Variants in XKR4 observed in about 807,000 individuals in gnomAD.
The protein encoded by XKR4 is XK related 4.
A neutral mutation model predicts 53.9 loss-of-function variants in XKR4; 12 were observed. The observed-to-expected ratio is 0.22, with a 90% CI of 0.14 to 0.36. The LOEUF is 0.36. Ranked by LOEUF, XKR4 falls within the 10% of genes least tolerant of loss-of-function variation. The probability of loss-of-function intolerance (pLI) is 1.00; values close to 1 mark genes in which losing one functional copy is unlikely to be tolerated. For missense variants in XKR4, 799 were observed against 859.5 expected (o/e 0.93, Z 0.88); for synonymous variants, 354 against 362.4 (o/e 0.98, Z 0.26).
intron 1 of XKR4, among the ~76,000 whole-genome samples, chr8:55,118,310 T>C (rs1054420254): frequency 6.6e-6 from 1 of 152,258 alleles, no homozygotes; most frequent in African/African-American, 2.4e-5. Context: ...CATCATTAGC[T>C]TGTATTTATA....
intron 1 of XKR4, among the ~76,000 whole-genome samples, chr8:55,132,456 A>G (rs1310818086): frequency 6.6e-6 from 1 of 151,778 alleles, no homozygotes; most frequent in Non-Finnish European, 1.5e-5. Flanking sequence ...GAGATTAACA[A>G]TAATAACTAA....
intron 1 of XKR4, among the ~76,000 whole-genome samples, chr8:55,226,771 C>G (rs1446004651): frequency 6.6e-6 from 1 of 152,164 alleles, no homozygotes; most frequent in African/African-American, 2.4e-5. Flanking sequence ...ACCCTCCCAC[C>G]TTCCTTTAAT....
At chr8:55,158,802 T>C (rs1197445633) in intron 1 of XKR4, among the ~76,000 whole-genome samples, 2 of 152,252 alleles carry the variant, frequency 1.3e-5, no homozygotes, top group Non-Finnish European at 2.9e-5. Context: ...ATGTGTGGCA[T>C]TATTTCTGAG....
chr8:55,497,817 G>A (rs543853873), intron 2 of XKR4, among the ~76,000 whole-genome samples: 9 of 152,254 alleles, frequency 5.9e-5, no homozygotes, highest in East Asian at 1.9e-4. Flanking sequence ...GATCCAAGCC[G>A]GATCCTGTCA....
intron 1 of XKR4, among the ~76,000 whole-genome samples, chr8:55,113,729 C>T (rs1816265255): frequency 6.6e-6 from 1 of 152,122 alleles, no homozygotes; most frequent in Non-Finnish European, 1.5e-5. Context: ...GCCCCTTCCA[C>T]CCTCCCACCT....
chr8:55,268,464 G>T (rs1396022869), intron 1 of XKR4, among the ~76,000 whole-genome samples: 1 of 152,132 alleles, frequency 6.6e-6, no homozygotes. Context: ...AATTGTGCTA[G>T]CCAGTCTCGT....
intron 1 of XKR4, among the ~76,000 whole-genome samples, chr8:55,160,197 A>G (rs1816965141): frequency 6.6e-6 from 1 of 152,240 alleles, no homozygotes; most frequent in African/African-American, 2.4e-5. Flanking sequence ...TACTCCAGCC[A>G]TATTCAGCTC....
At chr8:55,202,978 C>T (rs756401818) in intron 1 of XKR4, among the ~76,000 whole-genome samples, 3 of 152,188 alleles carry the variant, frequency 2.0e-5, no homozygotes, top group Non-Finnish European at 4.4e-5. Context: ...CTTCACTGAA[C>T]GAAGTTGCAG....
intron 1 of XKR4, among the ~76,000 whole-genome samples, chr8:55,348,715 C>A (rs960425078): frequency 6.6e-6 from 1 of 151,826 alleles, no homozygotes; most frequent in Non-Finnish European, 1.5e-5. Flanking sequence ...CACACACACA[C>A]ACACACAGAG....
chr8:55,151,235 A>G (rs758913663), intron 1 of XKR4, among the ~76,000 whole-genome samples: 17 of 152,226 alleles, frequency 1.1e-4, no homozygotes, highest in Non-Finnish European at 1.9e-4. Flanking sequence ...TAGAATTTAT[A>G]CTTTCATTTC....
At chr8:55,218,989 C>T (rs2129365007) in intron 1 of XKR4, among the ~76,000 whole-genome samples, 1 of 148,848 alleles carries the variant, frequency 6.7e-6, no homozygotes. Flanking sequence ...TTTAGATCCT[C>T]AAATCAAATT....
intron 2 of XKR4, among the ~76,000 whole-genome samples, chr8:55,482,810 A>AT (rs1692812439): frequency 6.6e-6 from 1 of 152,082 alleles, no homozygotes; most frequent in African/African-American, 2.4e-5. Context: ...CCAAAACAGA[A>AT]TTTTTATTTT....
At chr8:55,244,736 G>C (rs1818259929) in intron 1 of XKR4, among the ~76,000 whole-genome samples, 1 of 151,960 alleles carries the variant, frequency 6.6e-6, no homozygotes, top group Non-Finnish European at 1.5e-5. Flanking sequence ...GTTATTTTTT[G>C]ACTTTTTAAT....
intron 1 of XKR4, among the ~76,000 whole-genome samples, chr8:55,348,452 A>G (rs954814815): frequency 3.3e-5 from 5 of 152,212 alleles, no homozygotes; most frequent in African/African-American, 4.8e-5. Flanking sequence ...TATTTTCTAG[A>G]TACAATCAGC....
intron 1 of XKR4, among the ~76,000 whole-genome samples, chr8:55,326,771 T>G (rs944463144): frequency 1.3e-5 from 2 of 151,854 alleles, no homozygotes; most frequent in Admixed American, 6.6e-5. Context: ...ACATCCAGCC[T>G]ACAACTGGTT....
chr8:55,389,882 G>A (rs150000523), intron 2 of XKR4, among the ~76,000 whole-genome samples: 34 of 152,226 alleles, frequency 2.2e-4, no homozygotes, highest in African/African-American at 7.0e-4. Context: ...GTGCCTACTG[G>A]AGCCCACACA....
chr8:55,336,384 A>G (rs1803462612), intron 1 of XKR4, among the ~76,000 whole-genome samples: 1 of 152,018 alleles, frequency 6.6e-6, no homozygotes, highest in Admixed American at 6.6e-5. Context: ...GTCCAATTAA[A>G]CCTCTTTTTC....
intron 1 of XKR4, among the ~76,000 whole-genome samples, chr8:55,334,210 G>A (rs556271137): frequency 1.4e-4 from 21 of 152,250 alleles, no homozygotes; most frequent in African/African-American, 4.8e-4. Flanking sequence ...CAAGTGTTTG[G>A]TAATCACTAT....
intron 2 of XKR4, among the ~76,000 whole-genome samples, chr8:55,485,870 A>G (rs1045898476): frequency 5.9e-5 from 9 of 152,330 alleles, no homozygotes; most frequent in Admixed American, 3.3e-4. Flanking sequence ...AGTGCTGATC[A>G]TAATCTCAAA....
Sources: gnomAD v4.1 joint callset for allele counts (sites outside exome capture counted in the v4.1 genomes callset) on GRCh38, gnomAD v4.1.1 for gene constraint, MANE v1.5 for transcripts, NCBI Gene and HGNC (gene_info 2026-07-23, HGNC 2026-07-21) for gene names.